The following DTX4 variants were observed in gnomAD, a reference collection of about 807,000 sequenced individuals.
DTX4 encodes the protein E3 ubiquitin-protein ligase DTX4.
In DTX4, 28 loss-of-function variants were observed where a neutral mutation model predicts 57.6. The ratio of observed to expected loss-of-function variants is 0.49; its 90% CI spans 0.36 to 0.67. DTX4 has a LOEUF of 0.67. Among genes scored for constraint, DTX4 ranks in the 30% least tolerant of loss-of-function variants. The probability of loss-of-function intolerance (pLI) is 0.00; values close to 1 mark genes in which losing one functional copy is unlikely to be tolerated. For missense variants in DTX4, 715 were observed against 836.8 expected, an observed-to-expected ratio of 0.85 and a Z score of 1.80; for synonymous variants, 316 against 331.0, an observed-to-expected ratio of 0.95 and a Z score of 0.49.
intron 8 of DTX4, among the ~76,000 whole-genome samples, chr11:59,204,349 C>G (rs1055694232): frequency 2.0e-5 from 3 of 152,202 alleles, no homozygotes; most frequent in African/African-American, 7.2e-5. Flanking sequence ...GTTGTAGGCA[C>G]TGGTGTGAAA....
chr11:59,199,688 C>G lies in DTX4; in HGVS notation c.1541C>G (p.Pro514Arg), dbSNP rs369164250. The G allele has an allele frequency of 1.3e-6, 2 of 1,573,360 alleles. No individual in the cohort carries two copies. The highest frequency in any genetic ancestry group is 4.7e-5 in the East Asian group (2 of 42,384). The change falls in exon 8 of 9, where the codon CCG becomes CGG. Residue 514 changes from proline (P) to arginine (R), a missense_variant. Pro to Arg is a moderately radical substitution (Grantham distance 103). Coordinates refer to ENST00000227451, the MANE Select transcript of DTX4 (RefSeq NM_015177.2). ...IYSIPPGIQG[P>R]EHPNPGKSFS... is the part of the protein sequence containing the mutation. ...TTGCTTGCTTTCTGCTTTCAGGGACCGGAACACCCGAATCCTGGGAAGAGT... is the reference window on the plus strand; with the variant it reads ...TTGCTTGCTTTCTGCTTTCAGGGACGGGAACACCCGAATCCTGGGAAGAGT...
intron 1 of DTX4, among the ~76,000 whole-genome samples, chr11:59,177,014 G>A (rs924765534): frequency 2.0e-5 from 3 of 152,144 alleles, no homozygotes; most frequent in South Asian, 2.1e-4. Context: ...TCTCTGTAGC[G>A]TTGAATTGAA....
intron 2 of DTX4, among the ~76,000 whole-genome samples, 171 bp downstream of exon 2, chr11:59,182,633 G>A (rs1377227417): frequency 6.6e-6 from 1 of 152,192 alleles, no homozygotes; most frequent in African/African-American, 2.4e-5. Context: ...GGATAAGGGA[G>A]GGTTTGATGC....
At position 59,206,211 on chromosome 11, in the gene DTX4, G is replaced by C. The variant is rs1373034531; in HGVS notation, c.*1302G>C. On this transcript the variant is annotated 3_prime_UTR_variant, in exon 9 of 9. Transcript: ENST00000227451. ...TCCCTCATCTCCCTCATCTATTATAGATTGACTTACAGCAGGGAGAGAATC... is the reference window on the plus strand; with the variant it reads ...TCCCTCATCTCCCTCATCTATTATACATTGACTTACAGCAGGGAGAGAATC... 1 of 152,312 alleles carries C rather than the reference G, an allele frequency of 6.6e-6. No homozygotes were observed. The highest frequency in any genetic ancestry group is 2.4e-5 in the African/African-American group (1 of 41,408). The allele number at this position is 152,312 out of a possible 1,614,324, so 9.4% of individuals were successfully genotyped here. A position where few individuals can be genotyped will look rare whatever the true frequency, so the allele number is the denominator to read the frequency against.
At chr11:59,189,091 G>A in intron 3 of DTX4, 71 bp from the exon 4 acceptor site, 1 of 1,570,794 alleles carries the variant, frequency 6.4e-7, no homozygotes, top group South Asian at 1.1e-5. Context: ...GGTTAATGGG[G>A]AAAGAGGAAT....
At chr11:59,185,814 C>A (rs373860127) in intron 2 of DTX4, among the ~76,000 whole-genome samples, 14 of 152,306 alleles carry the variant, frequency 9.2e-5, no homozygotes, top group African/African-American at 3.4e-4. Flanking sequence ...CATAAACAGT[C>A]ACCCAAACTT....
Position 59,172,509 on chromosome 11 carries a change from G to A in DTX4, c.-87G>A, listed in dbSNP as rs1862339094. On this transcript the variant is annotated 5_prime_UTR_variant, in exon 1 of 9. Transcript: ENST00000227451. ...GGGCAGGGGGCGCGGTCGAGGCCCG[G>A]AGGCGGCGGCGCAGGAGGAAGCGGA... 2.2e-6 allele frequency: 2 copies of A among 903,220 alleles called. No individual in the cohort carries two copies. The highest frequency in any genetic ancestry group is 3.9e-5 in the East Asian group (1 of 25,706). The allele number at this position is 903,220 out of a possible 1,614,324, so 56.0% of individuals were successfully genotyped here. A position where few individuals can be genotyped will look rare whatever the true frequency, so the allele number is the denominator to read the frequency against.
chr11:59,197,863 A>T (rs1862694267), intron 7 of DTX4, among the ~76,000 whole-genome samples: 1 of 152,158 alleles, frequency 6.6e-6, no homozygotes. Flanking sequence ...AAGCTTGCAA[A>T]GACAAACGTG....
chr11:59,181,783 G>A lies in DTX4; in HGVS notation c.256G>A (p.Ala86Thr). Residue 86 changes from alanine to threonine, a missense_variant, in exon 2 of 9, where the codon GCC (alanine) becomes ACC (threonine). By Grantham distance (58) the Ala-to-Thr change is moderately conservative (BLOSUM62 0). Transcript: ENST00000227451. ...CCGCAACTACTACGACCCCTCCTCG[G>A]CCCCTGGGAAGGGCGTGGTGTGGGA... ...VRRNYYDPSS[A>T]PGKGVVWEWE... The A allele has an allele frequency of 1.9e-6, 3 of 1,613,478 alleles. No individual in the cohort carries two copies. Among genetic ancestry groups the A allele is most frequent in the Non-Finnish European group, 2.5e-6 (3 of 1,179,554 alleles).
upstream of DTX4, among the ~76,000 whole-genome samples, chr11:59,171,832 A>G (rs561440182): frequency 5.1e-4 from 77 of 151,432 alleles, no homozygotes; most frequent in Middle Eastern, 0.021. Context: ...TGCATTAAGG[A>G]AAAAAAAAGA....
chr11:59,192,778 C>T (rs1407321633), intron 6 of DTX4, among the ~76,000 whole-genome samples: 1 of 152,190 alleles, frequency 6.6e-6, no homozygotes, highest in Non-Finnish European at 1.5e-5. Context: ...CCAAAGTACA[C>T]CTGGTAATCC....
At chr11:59,197,785 C>G (rs1862693085) in intron 7 of DTX4, among the ~76,000 whole-genome samples, 1 of 152,082 alleles carries the variant, frequency 6.6e-6, no homozygotes, top group African/African-American at 2.4e-5. Context: ...CAAGGTGATA[C>G]AGACATGAAT....
At chr11:59,180,044 C>T (rs1202952693) in intron 1 of DTX4, among the ~76,000 whole-genome samples, 1 of 152,150 alleles carries the variant, frequency 6.6e-6, no homozygotes, top group Non-Finnish European at 1.5e-5. Context: ...TCATTGAGCT[C>T]TTGCCATGGT....
At chr11:59,179,544 C>T (rs1211204537) in intron 1 of DTX4, among the ~76,000 whole-genome samples, 1 of 152,132 alleles carries the variant, frequency 6.6e-6, no homozygotes, top group African/African-American at 2.4e-5. Context: ...AGCCACATTG[C>T]AGGGACTTTC....
intron 6 of DTX4, chr11:59,194,959 G>C (rs947420619): frequency 3.8e-6 from 2 of 531,218 alleles, no homozygotes; most frequent in Non-Finnish European, 6.7e-6. Context: ...CCTCCTCAGG[G>C]ACAGGGGCTT....
At position 59,201,785 on chromosome 11, in the gene DTX4, C is replaced by T. The variant is rs374499694; in HGVS notation, c.1626+2012C>T. Among the ~76,000 whole-genome samples the T allele has an allele frequency of 1.2e-3, 184 of 152,318 alleles. 1 individual carries two copies. In the South Asian group the frequency reaches 0.03, roughly 25 times the overall value. Reference sequence around the variant, plus strand: ...CCTGGAGCTACATCCCAACTGTTGGCGAAATGCCTCCACTGTAAAGTCCTG... The same window carrying T: ...CCTGGAGCTACATCCCAACTGTTGGTGAAATGCCTCCACTGTAAAGTCCTG... On this transcript the variant is annotated intron_variant, in intron 8 of 8. Coordinates refer to ENST00000227451, the MANE Select transcript of DTX4 (RefSeq NM_015177.2).
At chr11:59,172,903 G>C in intron 1 of DTX4, 97 bp downstream of exon 1, 5 of 940,032 alleles carry the variant, frequency 5.3e-6, no homozygotes, top group Admixed American at 3.0e-5. Flanking sequence ...CCACCTAGTC[G>C]GCACTTCTGT....
At chr11:59,199,146 G>C (rs535526774) in intron 7 of DTX4, among the ~76,000 whole-genome samples, 91 of 152,324 alleles carry the variant, frequency 6.0e-4, no homozygotes, top group Non-Finnish European at 1.1e-3. Context: ...AAATTCTGTT[G>C]GCATGGCTCA....
intron 8 of DTX4, among the ~76,000 whole-genome samples, chr11:59,199,994 T>A (rs2135525772): frequency 6.6e-6 from 1 of 152,304 alleles, no homozygotes; most frequent in East Asian, 1.9e-4. Flanking sequence ...ATTTAGTTTG[T>A]GTATTAGCCT....
Sources: allele counts gnomAD v4.1 joint callset (sites outside exome capture counted in the v4.1 genomes callset), GRCh38; gene constraint gnomAD v4.1.1; transcripts MANE v1.5; gene names NCBI Gene and HGNC (gene_info 2026-07-23, HGNC 2026-07-21).